The following ANAPC7 variants were observed in gnomAD, a reference collection of about 807,000 sequenced individuals.
The protein encoded by ANAPC7 is anaphase-promoting complex subunit 7.
Under a neutral mutation model 63.3 loss-of-function variants are expected in ANAPC7, and 25 were observed. The observed-to-expected ratio is 0.39, with a 90% confidence interval of 0.29 to 0.55. ANAPC7 has a LOEUF of 0.55. ANAPC7 is among the 20% of genes least tolerant of loss of function. The pLI is 0.57. For synonymous variants in ANAPC7, 241 were observed against 251.7 expected (o/e 0.96, Z 0.40); for missense variants, 516 against 691.7 (o/e 0.75, Z 2.85).
At chr12:110,379,825 T>C (rs768882166) in intron 8 of ANAPC7, among the ~76,000 whole-genome samples, 1 of 152,242 alleles carries the variant, frequency 6.6e-6, no homozygotes, top group Non-Finnish European at 1.5e-5. Context: ...TATTTTAATG[T>C]CTGTGACTGA....
chr12:110,395,773 C>G (rs1332934438), intron 2 of ANAPC7, among the ~76,000 whole-genome samples: 1 of 152,034 alleles, frequency 6.6e-6, no homozygotes, highest in Non-Finnish European at 1.5e-5. Flanking sequence ...CTCCTGACCT[C>G]GTGATCCGCC....
chr12:110,377,040 G>C (rs1222788655), intron 9 of ANAPC7, among the ~76,000 whole-genome samples: 1 of 151,650 alleles, frequency 6.6e-6, no homozygotes. Flanking sequence ...AGGAGGCTGA[G>C]GCAGAAGAAT....
At chr12:110,382,453 AAAAAAAAAATATATATATATATATAT>A (rs1368546968) in intron 7 of ANAPC7, among the ~76,000 whole-genome samples, 48 of 71,838 alleles carry the variant, frequency 6.7e-4, no homozygotes, top group African/African-American at 1.5e-3. Context: ...AAAAAAAAAA[AAAAAAAAAATATATATATATATATAT>A]ATATATATAT....
At chr12:110,398,412 C>T (rs1008312218) in intron 1 of ANAPC7, among the ~76,000 whole-genome samples, 2 of 144,352 alleles carry the variant, frequency 1.4e-5, no homozygotes, top group African/African-American at 5.0e-5. Flanking sequence ...GAATGAAACC[C>T]TGTCTCAGAA....
intron 1 of ANAPC7, among the ~76,000 whole-genome samples, chr12:110,401,229 A>C (rs2062223138): frequency 1.3e-5 from 2 of 152,206 alleles, no homozygotes; most frequent in Non-Finnish European, 2.9e-5. Context: ...TGGAGGTAGC[A>C]GACTGGTGGC....
At chr12:110,393,089 C>T (rs928891931) in intron 3 of ANAPC7, among the ~76,000 whole-genome samples, 6 of 152,092 alleles carry the variant, frequency 3.9e-5, no homozygotes, top group African/African-American at 1.4e-4. Context: ...GCCACCATGC[C>T]CAGCCGACAC....
In ANAPC7 at chr12:110,396,437, T is replaced by G. The variant is rs1243171031; in HGVS notation, c.117A>C (p.Pro39=). 1.9e-6 allele frequency: 3 copies of G among 1,607,494 alleles called. No homozygotes were observed. The Middle Eastern group carries it at 5.0e-4, about 266-fold the overall frequency. ...ACACCAAAAGCTGGTACTTCTGAGGTGGGGAGAATAACTCACTAGAAAACA... is the reference window on the plus strand; with the variant it reads ...ACACCAAAAGCTGGTACTTCTGAGGGGGGGAGAATAACTCACTAGAAAACA... ...MSNNNPELFS[P]PQKYQLLVYH... Residue 39 remains proline (P), a synonymous_variant, in exon 2 of 11, where the codon CCA becomes CCC. Transcript: ENST00000455511.
intron 3 of ANAPC7, among the ~76,000 whole-genome samples, chr12:110,389,351 GATCAGCTCAGTTTTT>G (rs762157581): frequency 2.0e-5 from 3 of 152,134 alleles, no homozygotes; most frequent in Non-Finnish European, 2.9e-5. Context: ...AGTTAAGAAG[GATCAGCTCAGTTTTT>G]CCTAATAAGG....
chr12:110,384,292 G>A (rs904069061), intron 6 of ANAPC7, among the ~76,000 whole-genome samples: 1 of 152,096 alleles, frequency 6.6e-6, no homozygotes, highest in African/African-American at 2.4e-5. Context: ...AGCTACTCAG[G>A]GGGCTAAGGC....
chr12:110,388,585 A>C lies in ANAPC7; in HGVS notation c.447T>G (p.Gly149=), dbSNP rs1882818211. The C allele has an allele frequency of 1.2e-6, 2 of 1,614,192 alleles. No homozygotes were observed. The highest frequency in any genetic ancestry group is 1.3e-5 in the African/African-American group (1 of 75,048). Residue 149 remains glycine, a synonymous_variant, in exon 4 of 11, where the codon GGT becomes GGG. Transcript: ENST00000455511. Reference sequence around the variant, plus strand: ...AGCTGGTGACTGAAGGGCGCTCCTGACCAGCCTTCTTGTACAGGTTTGCCA... The same window carrying C: ...AGCTGGTGACTGAAGGGCGCTCCTGCCCAGCCTTCTTGTACAGGTTTGCCA... ...MMLANLYKKA[G]QERPSVTSYK... is the part of the protein sequence containing the mutation.
intron 7 of ANAPC7, among the ~76,000 whole-genome samples, chr12:110,382,445 A>AT (rs1881947920): frequency 2.8e-5 from 1 of 35,330 alleles, no homozygotes; most frequent in African/African-American, 1.6e-4. Context: ...TCCTTTTAAA[A>AT]AAAAAAAAAA....
At chr12:110,377,984 T>A in intron 8 of ANAPC7, 1 of 342,932 alleles carries the variant, frequency 2.9e-6, no homozygotes, top group Non-Finnish European at 4.8e-6. Flanking sequence ...GAGATGATGT[T>A]CCCAACAAAA....
rs1453777042 is a variant in ANAPC7, at chr12:110,388,709, C to CCA, written c.409-88_409-87dup. 5.1e-6 allele frequency: 5 copies of CCA among 986,880 alleles called. No individual in the cohort carries two copies. The African/African-American group carries it at 8.0e-5, about 16-fold the overall frequency. The allele number at this position is 986,880 out of a possible 1,614,324, so 61.1% of individuals were successfully genotyped here. ...CATGAAAAAGTCCTAATTTTCATTA[C>CCA]CAGTTATTTACTTTTTACTGGAAAA... On this transcript the variant is annotated intron_variant, in intron 3 of 10. Coordinates refer to ENST00000455511, the MANE Select transcript of ANAPC7 (RefSeq NM_016238.3).
intron 1 of ANAPC7, among the ~76,000 whole-genome samples, chr12:110,403,078 C>T (rs570311886): frequency 7.2e-5 from 11 of 152,196 alleles, no homozygotes; most frequent in African/African-American, 2.6e-4. Context: ...GAAAGTGGAC[C>T]CTCCTGATAC....
intron 10 of ANAPC7, chr12:110,375,715 C>G (rs910009171): frequency 2.1e-6 from 2 of 964,944 alleles, no homozygotes; most frequent in Admixed American, 6.1e-5. Context: ...TGGGAAAGTA[C>G]TTACAATACT....
chr12:110,382,461 A>AAAT (rs1555289541), intron 7 of ANAPC7, among the ~76,000 whole-genome samples: 46 of 30,850 alleles, frequency 1.5e-3, no homozygotes, highest in East Asian at 3.6e-3. Context: ...AAAAAAAAAA[A>AAAT]ATATATATAT....
intron 1 of ANAPC7, among the ~76,000 whole-genome samples, chr12:110,399,767 G>A (rs1417524925): frequency 1.3e-5 from 2 of 148,918 alleles, no homozygotes; most frequent in Non-Finnish European, 3.0e-5. Flanking sequence ...TCCAGCCTGG[G>A]TGACGAGAGA....
chr12:110,387,279 G>GAGAGAGAGAC (rs1566268826), intron 5 of ANAPC7: 2 of 129,510 alleles, frequency 1.5e-5, no homozygotes, highest in African/African-American at 3.0e-5. Context: ...GAGAGAGAGA[G>GAGAGAGAGAC]AGAGAGACAG....
intron 3 of ANAPC7, among the ~76,000 whole-genome samples, chr12:110,390,653 C>A (rs935651358): frequency 3.3e-5 from 5 of 152,032 alleles, no homozygotes; most frequent in African/African-American, 1.2e-4. Context: ...TTTTACTTGG[C>A]CTCAGATTTT....
Sources: gnomAD v4.1 joint callset for allele counts (sites outside exome capture counted in the v4.1 genomes callset) on GRCh38, gnomAD v4.1.1 for gene constraint, MANE v1.5 for transcripts, NCBI Gene and HGNC (gene_info 2026-07-23, HGNC 2026-07-21) for gene names.